Variants in MED12L observed in about 807,000 individuals in gnomAD.
MED12L encodes mediator complex subunit 12L.
Under a neutral mutation model 281.3 loss-of-function variants are expected in MED12L, and 60 were observed. The ratio of observed to expected loss-of-function variants is 0.21; its 90% CI spans 0.17 to 0.26. MED12L has a LOEUF of 0.26. MED12L is among the 10% of genes least tolerant of loss of function. MED12L has a pLI of 1.00. For synonymous variants in MED12L, 974 were observed against 987.2 expected, an observed-to-expected ratio of 0.99 and a Z score of 0.25; for missense variants, 2,146 against 2,680.9, an observed-to-expected ratio of 0.80 and a Z score of 4.41.
At chr3:151,242,139 G>T (rs937205303) in intron 16 of MED12L, among the ~76,000 whole-genome samples, 2 of 152,132 alleles carry the variant, frequency 1.3e-5, no homozygotes, top group Non-Finnish European at 2.9e-5. Flanking sequence ...ATGGAGTCTC[G>T]CTGATTGCTA....
chr3:151,272,615 C>G (rs1045741972), intron 16 of MED12L, among the ~76,000 whole-genome samples: 3 of 152,182 alleles, frequency 2.0e-5, no homozygotes, highest in Non-Finnish European at 2.9e-5. Context: ...TGTTTGTCCT[C>G]TGCCCCAAGT....
intron 16 of MED12L, among the ~76,000 whole-genome samples, chr3:151,240,102 AT>A (rs1465568580): frequency 2.6e-5 from 4 of 151,390 alleles, no homozygotes; most frequent in African/African-American, 9.7e-5. Context: ...CTGACCTGTA[AT>A]TCCAGGCTCC....
At chr3:151,263,110 A>G (rs1739207962) in intron 16 of MED12L, among the ~76,000 whole-genome samples, 1 of 152,094 alleles carries the variant, frequency 6.6e-6, no homozygotes, top group South Asian at 2.1e-4. Context: ...GAGGATTAGG[A>G]CATGTCTGCA....
rs1337177279 is a variant in MED12L at position 151,122,694 on chromosome 3, A to G, written c.205-89A>G. ...CTGATGGGATGTATGAAGATTTTCA[A>G]TTGAAACAATAAAGAAAAATACTAA... On this transcript the variant is annotated intron_variant, in intron 3 of 44. Coordinates refer to ENST00000687756, the MANE Select transcript of MED12L (RefSeq NM_001393769.1). 13 of 924,696 alleles carry G rather than the reference A, an allele frequency of 1.4e-5. No individual in the cohort carries two copies. The East Asian group carries it at 1.5e-4, about 10-fold the overall frequency. 57.3% of individuals were successfully genotyped at this position (924,696 alleles called of 1,614,324 possible). A position where few individuals can be genotyped will look rare whatever the true frequency, so the allele number is the denominator to read the frequency against.
At chr3:151,198,277 G>C (rs544861972) in intron 16 of MED12L, 13 of 561,024 alleles carry the variant, frequency 2.3e-5, no homozygotes, top group Non-Finnish European at 3.8e-5. Flanking sequence ...TTAGAAACAG[G>C]ATTTCTAAGT....
chr3:151,238,217 G>T (rs1488043539), intron 16 of MED12L, among the ~76,000 whole-genome samples: 1 of 151,908 alleles, frequency 6.6e-6, no homozygotes, highest in African/African-American at 2.4e-5. Context: ...CACTATCTTG[G>T]CTCACTGCAT....
intron 21 of MED12L, among the ~76,000 whole-genome samples, chr3:151,362,966 T>C (rs1374736882): frequency 6.6e-6 from 1 of 152,138 alleles, no homozygotes; most frequent in Non-Finnish European, 1.5e-5. Flanking sequence ...TTACATGATT[T>C]AGTTCTTACA....
intron 9 of MED12L, 106 bp downstream of exon 9, chr3:151,164,148 C>T: frequency 8.3e-7 from 1 of 1,205,328 alleles, no homozygotes; most frequent in South Asian, 1.5e-5. Context: ...TGGGTGCTAT[C>T]CCAGTTTTGC....
rs534320809 is a variant in MED12L at position 151,297,826 on chromosome 3, C to G, written c.2251-52233C>G. Among the ~76,000 whole-genome samples, 11 of 152,086 alleles carry G rather than the reference C, an allele frequency of 7.2e-5. No individual in the cohort carries two copies. The South Asian group carries it at 2.3e-3, about 32-fold the overall frequency. On this transcript the variant is annotated intron_variant, in intron 16 of 44. Coordinates refer to ENST00000687756, the MANE Select transcript of MED12L (RefSeq NM_001393769.1). ...TTATGGTTATTATTAAAGATAGTCT[C>G]CAATCAGAATGTCAAAAAAGGTTGT... is the stretch of plus-strand genomic sequence containing the variant.
intron 16 of MED12L, among the ~76,000 whole-genome samples, chr3:151,274,911 G>A (rs1022084314): frequency 7.9e-5 from 12 of 152,092 alleles, no homozygotes; most frequent in Non-Finnish European, 1.3e-4. Flanking sequence ...ATGAATAAAT[G>A]GCCAAAATAT....
chr3:151,317,254 A>G (rs1427115534), intron 16 of MED12L, among the ~76,000 whole-genome samples: 5 of 151,420 alleles, frequency 3.3e-5, no homozygotes, highest in African/African-American at 1.2e-4. Context: ...CTGTAGACAT[A>G]TTTTTACACA....
intron 16 of MED12L, among the ~76,000 whole-genome samples, chr3:151,262,996 C>T (rs369323066): frequency 1.3e-5 from 2 of 152,114 alleles, no homozygotes; most frequent in African/African-American, 2.4e-5. Context: ...AACATGTACC[C>T]TCTGCTGGTC....
intron 5 of MED12L, among the ~76,000 whole-genome samples, chr3:151,143,977 T>C (rs1717402364): frequency 1.3e-5 from 2 of 152,218 alleles, no homozygotes; most frequent in Admixed American, 6.5e-5. Flanking sequence ...CAGGTATATA[T>C]AGAAATCTGA....
chr3:151,337,755 A>G lies in MED12L; in HGVS notation c.2251-12304A>G. The G allele has an allele frequency of 2.0e-6, 3 of 1,510,382 alleles. No homozygotes were observed. In the South Asian group the frequency reaches 3.4e-5, roughly 17 times the overall value. The allele number at this position is 1,510,382 out of a possible 1,614,324, so 93.6% of individuals were successfully genotyped here. ...TCTTCGTCAGTTAATATTTTTACTTAGCGCTTTGCTTTAACGAGTTCTGAA... is the reference window on the plus strand; with the variant it reads ...TCTTCGTCAGTTAATATTTTTACTTGGCGCTTTGCTTTAACGAGTTCTGAA... On this transcript the variant is annotated intron_variant, in intron 16 of 44. Transcript: ENST00000687756.
intron 16 of MED12L, among the ~76,000 whole-genome samples, chr3:151,284,198 T>C (rs1240169280): frequency 2.0e-5 from 3 of 152,108 alleles, no homozygotes; most frequent in Admixed American, 6.5e-5. Context: ...AAGGAAAGAT[T>C]TGTGGTGTTG....
At chr3:151,307,523 G>T (rs1746826463) in intron 16 of MED12L, among the ~76,000 whole-genome samples, 1 of 145,374 alleles carries the variant, frequency 6.9e-6, no homozygotes, top group Non-Finnish European at 1.5e-5. Flanking sequence ...GTGACCTCAG[G>T]TAACTTGCTC....
chr3:151,090,418 A>G (rs184077592), intron 2 of MED12L, among the ~76,000 whole-genome samples: 52 of 152,224 alleles, frequency 3.4e-4, no homozygotes, highest in Admixed American at 1.2e-3. Context: ...ATTTACAATT[A>G]TATACTTATT....
chr3:151,122,256 C>G (rs1260233410), intron 3 of MED12L, among the ~76,000 whole-genome samples: 2 of 152,130 alleles, frequency 1.3e-5, no homozygotes, highest in African/African-American at 2.4e-5. Context: ...TTAATTGAAC[C>G]TTTTGTAATT....
intron 16 of MED12L, among the ~76,000 whole-genome samples, chr3:151,210,522 C>A (rs1372771571): frequency 6.6e-6 from 1 of 152,162 alleles, no homozygotes; most frequent in Non-Finnish European, 1.5e-5. Flanking sequence ...ACTCTTATCT[C>A]AAATATTCCT....
Sources: allele counts gnomAD v4.1 joint callset (sites outside exome capture counted in the v4.1 genomes callset), GRCh38; gene constraint gnomAD v4.1.1; transcripts MANE v1.5; gene names NCBI Gene and HGNC (gene_info 2026-07-23, HGNC 2026-07-21).